Variants in ST3GAL4 observed in about 807,000 individuals in gnomAD.
ST3GAL4 encodes ST3 beta-galactoside alpha-2,3-sialyltransferase 4, also known as CMP-N-acetylneuraminate-beta-galactosamide-alpha-2,3-sialyltransferase 4.
Under a neutral mutation model 42.6 loss-of-function variants are expected in ST3GAL4, and 24 were observed. That is an observed-to-expected ratio of 0.56 (90% CI 0.41 to 0.79). The LOEUF is 0.79. Among genes scored for constraint, ST3GAL4 ranks in the 30% least tolerant of loss-of-function variants. The pLI is 0.00. For missense variants in ST3GAL4, 311 were observed against 430.8 expected, an observed-to-expected ratio of 0.72 and a Z score of 2.46; for synonymous variants, 135 against 163.2, an observed-to-expected ratio of 0.83 and a Z score of 1.32.
intron 9 of ST3GAL4, among the ~76,000 whole-genome samples, chr11:126,413,033 G>A (rs1302568802): frequency 6.6e-6 from 1 of 152,238 alleles, no homozygotes; most frequent in East Asian, 1.9e-4. Flanking sequence ...TCCCCCAGAT[G>A]TGTGGAGCTG....
intron 1 of ST3GAL4, among the ~76,000 whole-genome samples, chr11:126,360,966 G>GT (rs1421825503): frequency 6.6e-6 from 1 of 152,206 alleles, no homozygotes; most frequent in African/African-American, 2.4e-5. Context: ...GCCACCTTGG[G>GT]GGTCTCTGTT....
chr11:126,372,058 C>A (rs1016143872), intron 1 of ST3GAL4, among the ~76,000 whole-genome samples: 1 of 152,196 alleles, frequency 6.6e-6, no homozygotes, highest in Non-Finnish European at 1.5e-5. Context: ...AATGCACAAG[C>A]ACAAGGTTCT....
chr11:126,371,351 G>C (rs1421914077), intron 1 of ST3GAL4, among the ~76,000 whole-genome samples: 1 of 151,540 alleles, frequency 6.6e-6, no homozygotes, highest in African/African-American at 2.4e-5. Flanking sequence ...TTTTAGTAGA[G>C]ACGGGGTTTC....
chr11:126,409,476 T>G lies in ST3GAL4; in HGVS notation c.771+65T>G. ...GCGGGAAGTAGGAGGGATGATCCTATGGGCTTAGGAAGCCCTGGAAGGATC... is the reference window on the plus strand; with the variant it reads ...GCGGGAAGTAGGAGGGATGATCCTAGGGGCTTAGGAAGCCCTGGAAGGATC... On this transcript the variant is annotated intron_variant, in intron 9 of 10. Coordinates refer to ENST00000444328, the MANE Select transcript of ST3GAL4 (RefSeq NM_001254757.2). The surrounding 1 kb of genome is among the most constrained non-coding windows in gnomAD (Gnocchi z 4.9). 2.5e-6 allele frequency: 4 copies of G among 1,604,864 alleles called. No individual in the cohort carries two copies. Among genetic ancestry groups the G allele is most frequent in the Non-Finnish European group, 2.6e-6 (3 of 1,172,944 alleles).
In ST3GAL4 at chr11:126,397,702, G is replaced by A. The variant is rs1282968352; in HGVS notation, c.-60-8394G>A. ...GGCTCACAGTTCTGGAGGCTCGGAT[G>A]TCCAAGATCTAGAGGACACATCCGG... On this transcript the variant is annotated intron_variant, in intron 1 of 10. Transcript: ENST00000444328. This position sits in a 1 kb window ranked among gnomAD's most constrained non-coding sequence, Gnocchi z 5.0. 6.6e-6 allele frequency among the ~76,000 whole-genome samples: 1 copy of A among 152,230 alleles called. No homozygotes were observed. Among genetic ancestry groups the A allele is most frequent in the African/African-American group, 2.4e-5 (1 of 41,458 alleles).
rs549065214 is a variant in ST3GAL4, at chr11:126,397,647, A to G, written c.-60-8449A>G. ...TTTTGTGCTGCCATTACCACCAAGT[A>G]GGTAATTTATAAGGAGCAGAAGTTT... On this transcript the variant is annotated intron_variant, in intron 1 of 10. Transcript: ENST00000444328. The surrounding 1 kb of genome is among the most constrained non-coding windows in gnomAD (Gnocchi z 5.0). Among the ~76,000 whole-genome samples the G allele has an allele frequency of 2.6e-5, 4 of 152,312 alleles. No individual in the cohort carries two copies. In the South Asian group the frequency reaches 8.3e-4, roughly 32 times the overall value.
rs1313858051 is a variant in ST3GAL4, at chr11:126,406,038, G to A, written c.-60-58G>A. ...CAGACAGTGGGTGTGTCCTGCTCCAGTGTCTAGGCAGGAGAGTTTGTGAAG... is the reference window on the plus strand; with the variant it reads ...CAGACAGTGGGTGTGTCCTGCTCCAATGTCTAGGCAGGAGAGTTTGTGAAG... On this transcript the variant is annotated intron_variant, in intron 1 of 10. Coordinates refer to ENST00000444328, the MANE Select transcript of ST3GAL4 (RefSeq NM_001254757.2). This position sits in a 1 kb window ranked among gnomAD's most constrained non-coding sequence, Gnocchi z 5.4. The A allele has an allele frequency of 3.9e-6, 6 of 1,537,156 alleles. No individual in the cohort carries two copies. The highest frequency in any genetic ancestry group is 5.3e-6 in the Non-Finnish European group (6 of 1,134,920).
rs542028878 is a variant in ST3GAL4, at chr11:126,390,100, G to A, written c.-60-15996G>A. 2.8e-3 allele frequency among the ~76,000 whole-genome samples: 50 copies of A among 17,718 alleles called. 1 individual carries two copies. The South Asian group carries it at 0.1, about 36-fold the overall frequency. 11.6% of individuals were successfully genotyped at this position (17,718 alleles called of 152,430 possible). On this transcript the variant is annotated intron_variant, in intron 1 of 10. Transcript: ENST00000444328. ...TGGGAGGCTGAGGCAGGAGAATAGC[G>A]TGAACCCGGGAGGCAGAGCTGCAGT...
At position 126,408,472 on chromosome 11, in the gene ST3GAL4, G is replaced by C; in HGVS notation, c.603G>C (p.Glu201Asp). ...AGGCAATGGACTTCCACTGGATTGAGACCATCCTGAGTGATAAGAAGCGGG... is the reference window on the plus strand; with the variant it reads ...AGGCAATGGACTTCCACTGGATTGACACCATCCTGAGTGATAAGAAGCGGG... Reference protein sequence around the residue: ...AFKAMDFHWIETILSDKKRVR... With the variant: ...AFKAMDFHWIDTILSDKKRVR... Residue 201 changes from glutamate (E) to aspartate (D), a missense_variant, in exon 8 of 11, where the codon GAG becomes GAC. Coordinates refer to ENST00000444328, the MANE Select transcript of ST3GAL4 (RefSeq NM_001254757.2). 1 of 1,614,232 alleles carries C rather than the reference G, an allele frequency of 6.2e-7. No homozygotes were observed. The highest frequency in any genetic ancestry group is 8.5e-7 in the Non-Finnish European group (1 of 1,180,042).
intron 1 of ST3GAL4, among the ~76,000 whole-genome samples, chr11:126,385,683 C>T (rs891189796): frequency 6.6e-6 from 1 of 152,074 alleles, no homozygotes; most frequent in Non-Finnish European, 1.5e-5. Context: ...TAAGATTATG[C>T]CAGGAGCTGC....
rs1952183881 is a variant in ST3GAL4, at chr11:126,359,745, T to A, written c.-61+3903T>A. Among the ~76,000 whole-genome samples the A allele has an allele frequency of 6.6e-6, 1 of 151,938 alleles. No homozygotes were observed. Among genetic ancestry groups the A allele is most frequent in the Admixed American group, 6.6e-5 (1 of 15,264 alleles). On this transcript the variant is annotated intron_variant, in intron 1 of 10. Coordinates refer to ENST00000444328, the MANE Select transcript of ST3GAL4 (RefSeq NM_001254757.2). The surrounding 1 kb of genome is among the most constrained non-coding windows in gnomAD (Gnocchi z 4.8). ...TTCTTCTCCCTCCCTCCTTCCCTCC[T>A]TCCCTCCTTCCCTCCTTCCCCGTGG... is the stretch of plus-strand genomic sequence containing the variant.
chr11:126,362,193 C>CTTTTTT (rs763280766), intron 1 of ST3GAL4, among the ~76,000 whole-genome samples: 128 of 119,076 alleles, frequency 1.1e-3, no homozygotes, highest in African/African-American at 3.9e-3. Context: ...ACATTTCTTC[C>CTTTTTT]TTTTTTTTTT....
intron 1 of ST3GAL4, among the ~76,000 whole-genome samples, chr11:126,374,720 C>A (rs1429701049): frequency 2.6e-5 from 4 of 152,062 alleles, no homozygotes; most frequent in African/African-American, 9.7e-5. Context: ...CCCGGGCTCT[C>A]CCCGTAAGTG....
rs1016407798 is a variant in ST3GAL4 at position 126,383,626 on chromosome 11, T to C, written c.-60-22470T>C. 6.6e-6 allele frequency among the ~76,000 whole-genome samples: 1 copy of C among 152,068 alleles called. No individual in the cohort carries two copies. The highest frequency in any genetic ancestry group is 1.5e-5 in the Non-Finnish European group (1 of 67,998). On this transcript the variant is annotated intron_variant, in intron 1 of 10. Coordinates refer to ENST00000444328, the MANE Select transcript of ST3GAL4 (RefSeq NM_001254757.2). This position sits in a 1 kb window ranked among gnomAD's most constrained non-coding sequence, Gnocchi z 4.5. ...GACCAAGCTTGCGGGCGCCTGAGTA[T>C]GGACTAGTGTGTTTGTGCTGGAGGA...
rs538555350 is a variant in ST3GAL4, at chr11:126,368,660, C to T, written c.-61+12818C>T. ...CTGGACAAAAGGTGGCTGGAGCCAGCTCTACAGAAGCCACACCTGCTCATG... is the reference window on the plus strand; with the variant it reads ...CTGGACAAAAGGTGGCTGGAGCCAGTTCTACAGAAGCCACACCTGCTCATG... On this transcript the variant is annotated intron_variant, in intron 1 of 10. Transcript: ENST00000444328. Among the ~76,000 whole-genome samples, 3 of 152,320 alleles carry T rather than the reference C, an allele frequency of 2.0e-5. No individual in the cohort carries two copies. The East Asian group carries it at 5.8e-4, about 29-fold the overall frequency.
rs1953555744 is a variant in ST3GAL4 at position 126,392,456 on chromosome 11, A to C, written c.-60-13640A>C. ...GGTCCTTGTGAGCTCATCGACATGCATTTGGCAGAAAGTGCGCTGGCTCTG... is the reference window on the plus strand; with the variant it reads ...GGTCCTTGTGAGCTCATCGACATGCCTTTGGCAGAAAGTGCGCTGGCTCTG... On this transcript the variant is annotated intron_variant, in intron 1 of 10. Transcript: ENST00000444328. The surrounding 1 kb of genome is among the most constrained non-coding windows in gnomAD (Gnocchi z 5.8). 1.2e-6 allele frequency: 1 copy of C among 853,846 alleles called. No individual in the cohort carries two copies. The highest frequency in any genetic ancestry group is 1.4e-6 in the Non-Finnish European group (1 of 709,648). The allele number at this position is 853,846 out of a possible 1,614,324, so 52.9% of individuals were successfully genotyped here.
At chr11:126,368,288 A>G (rs1952511913) in intron 1 of ST3GAL4, among the ~76,000 whole-genome samples, 1 of 152,188 alleles carries the variant, frequency 6.6e-6, no homozygotes, top group Admixed American at 6.5e-5. Flanking sequence ...ACCTGACATC[A>G]GGAGTCAGTG....
At chr11:126,407,990 G>C (rs896398753) in intron 6 of ST3GAL4, 109 bp from the exon 7 acceptor site, 1 of 1,244,872 alleles carries the variant, frequency 8.0e-7, no homozygotes, top group Non-Finnish European at 1.1e-6. Context: ...TGGGGACCAG[G>C]GGCTGAGGGG....
intron 1 of ST3GAL4, among the ~76,000 whole-genome samples, chr11:126,368,975 T>C (rs1311258660): frequency 6.6e-6 from 1 of 151,962 alleles, no homozygotes; most frequent in Non-Finnish European, 1.5e-5. Flanking sequence ...GTTTGGCAAG[T>C]AGGGGGAGGG....
Sources: gnomAD v4.1 joint callset for allele counts (sites outside exome capture counted in the v4.1 genomes callset) on GRCh38, gnomAD v4.1.1 for gene constraint, Gnocchi (gnomAD v3.1) non-coding constraint, MANE v1.5 for transcripts, NCBI Gene and HGNC (gene_info 2026-07-23, HGNC 2026-07-21) for gene names.